Variants in ZSWIM4 observed in about 807,000 individuals in gnomAD.
ZSWIM4 encodes the protein zinc finger SWIM-type containing 4.
Under a neutral mutation model 102.5 loss-of-function variants are expected in ZSWIM4, and 62 were observed. That is an observed-to-expected ratio of 0.60 (90% CI 0.49 to 0.75). The LOEUF is 0.75. ZSWIM4 is among the 30% of genes least tolerant of loss of function. ZSWIM4 has a pLI of 0.00. For synonymous variants in ZSWIM4, 652 were observed against 674.5 expected, an observed-to-expected ratio of 0.97 and a Z score of 0.52; for missense variants, 1,280 against 1,529.6, an observed-to-expected ratio of 0.84 and a Z score of 2.72.
chr19:13,824,965 A>T, intron 11 of ZSWIM4, among the ~76,000 whole-genome samples: 1 of 151,266 alleles, frequency 6.6e-6, no homozygotes, highest in East Asian at 1.9e-4. Flanking sequence ...CAGGATTTGA[A>T]CCCTGGCATT....
rs1974876410 is a variant in ZSWIM4, at chr19:13,804,949, G to A, written c.513G>A (p.Leu171=). The stretch of plus-strand genomic sequence containing the variant: ...TCTACTGTGCCCACGTGGTGGCCCT[G>A]TCCCTGTACCGCATTCGGCACGCCC... ...DLFYCAHVVA[L]SLYRIRHAHQ... Residue 171 remains leucine (L), a synonymous_variant, in exon 3 of 14, where the codon CTG becomes CTA. Transcript: ENST00000590508. The A allele has an allele frequency of 6.2e-7, 1 of 1,613,306 alleles. No homozygotes were observed. Among genetic ancestry groups the A allele is most frequent in the Admixed American group, 1.7e-5 (1 of 60,018 alleles).
At position 13,825,418 on chromosome 19, in the gene ZSWIM4, GC is replaced by G. The variant is rs1975579018; in HGVS notation, c.2216-129del. On this transcript the variant is annotated intron_variant, in intron 11 of 13. Transcript: ENST00000590508. The surrounding 1 kb of genome is among the most constrained non-coding windows in gnomAD (Gnocchi z 4.6). ...AGGTCTGAATCTTCACAGAACCATG[GC>G]CCAGTACACATCCCTCCACACTCAC... 2 of 1,089,346 alleles carry G rather than the reference GC, an allele frequency of 1.8e-6. No homozygotes were observed. Among genetic ancestry groups the G allele is most frequent in the Admixed American group, 4.2e-5 (2 of 47,352 alleles). The allele number at this position is 1,089,346 out of a possible 1,614,324, so 67.5% of individuals were successfully genotyped here.
rs541542267 is a variant in ZSWIM4, at chr19:13,801,566, G to T, written c.355+1645G>T. 5.9e-5 allele frequency among the ~76,000 whole-genome samples: 9 copies of T among 152,312 alleles called. No homozygotes were observed. The East Asian group carries it at 1.7e-3, about 29-fold the overall frequency. On this transcript the variant is annotated intron_variant, in intron 2 of 13. Transcript: ENST00000590508. ...CCACAGGTGAGAGTCTTAGACCTCA[G>T]GCAGAGAGGCTGGGATTTCAAAGGC... is the stretch of plus-strand genomic sequence containing the variant.
intron 3 of ZSWIM4, among the ~76,000 whole-genome samples, chr19:13,807,049 T>C (rs1190678009): frequency 6.6e-6 from 1 of 152,056 alleles, no homozygotes; most frequent in Non-Finnish European, 1.5e-5. Context: ...CTAATAGTTA[T>C]CACCTAGATA....
Position 13,799,593 on chromosome 19 carries a change from G to A in ZSWIM4, c.154-127G>A, listed in dbSNP as rs1599577076. ...GCCCGGCCAGTTTTTTTGTAAAGAT[G>A]GGAGCCTCTCTATGTTGCCCAGGCT... On this transcript the variant is annotated intron_variant, in intron 1 of 13. Coordinates refer to ENST00000590508, the MANE Select transcript of ZSWIM4 (RefSeq NM_001367834.3). 4 of 904,572 alleles carry A rather than the reference G, an allele frequency of 4.4e-6. No individual in the cohort carries two copies. The East Asian group carries it at 1.0e-4, about 23-fold the overall frequency. 56.0% of individuals were successfully genotyped at this position (904,572 alleles called of 1,614,324 possible). A position where few individuals can be genotyped will look rare whatever the true frequency, so the allele number is the denominator to read the frequency against.
In ZSWIM4 at chr19:13,812,987, G is replaced by A. The variant is rs1483629834; in HGVS notation, c.1013-10G>A. On this transcript the variant is annotated splice_polypyrimidine_tract_variant and intron_variant, in intron 5 of 13. Coordinates refer to ENST00000590508, the MANE Select transcript of ZSWIM4 (RefSeq NM_001367834.3). Reference sequence around the variant, plus strand: ...GGCAGGAATATTGAGCCTGCCCCGTGCCTCCTCAGGGGCCCTGTGGGTTTG... The same window carrying A: ...GGCAGGAATATTGAGCCTGCCCCGTACCTCCTCAGGGGCCCTGTGGGTTTG... The A allele has an allele frequency of 6.3e-7, 1 of 1,596,002 alleles. No individual in the cohort carries two copies. The highest frequency in any genetic ancestry group is 8.6e-7 in the Non-Finnish European group (1 of 1,167,094).
intron 3 of ZSWIM4, among the ~76,000 whole-genome samples, chr19:13,806,479 C>A (rs571683155): frequency 4.6e-4 from 70 of 151,980 alleles, no homozygotes; most frequent in Non-Finnish European, 7.9e-4. Flanking sequence ...CCGGCCTGGG[C>A]AAAATAGGGA....
intron 2 of ZSWIM4, among the ~76,000 whole-genome samples, chr19:13,802,324 C>T (rs1260395409): frequency 6.6e-6 from 1 of 150,610 alleles, no homozygotes; most frequent in African/African-American, 2.4e-5. Context: ...CAGTGGCTCA[C>T]ACCTGTAATC....
At position 13,830,182 on chromosome 19, in the gene ZSWIM4, TC is replaced by T; in HGVS notation, c.2462-6del. The T allele has an allele frequency of 6.2e-7, 1 of 1,603,184 alleles. No individual in the cohort carries two copies. The highest frequency in any genetic ancestry group is 2.2e-5 in the East Asian group (1 of 44,640). ...TCCTGACGGATTTCCCTCCCTCACC[TC>T]CCACCAGGCCCGCAAGCCCTGATGA... On this transcript the variant is annotated splice_polypyrimidine_tract_variant and splice_region_variant and intron_variant, in intron 13 of 13. Transcript: ENST00000590508.
chr19:13,818,235 G>A (rs7254517), intron 9 of ZSWIM4, among the ~76,000 whole-genome samples: 77,747 of 152,178 alleles, frequency 0.51, 23,456 homozygotes, highest in African/African-American at 0.86. Context: ...CCGGGAGCCA[G>A]TGAGCCAAGT....
chr19:13,820,306 G>T (rs968190891), intron 10 of ZSWIM4, among the ~76,000 whole-genome samples: 3 of 152,084 alleles, frequency 2.0e-5, no homozygotes, highest in Admixed American at 6.6e-5. Flanking sequence ...TGCCATCTCT[G>T]CTCAGTGCAA....
At position 13,830,317 on chromosome 19, in the gene ZSWIM4, C is replaced by G. The variant is rs746795904; in HGVS notation, c.2588C>G (p.Ser863Trp). ...CTGCTGCGACTGCAGCTGGACACAT[C>G]GCGGAGGGAGGAGCTCTGGGCCTGC... The part of the protein sequence containing the change: ...ATLLRLQLDT[S>W]RREELWACAR... The change falls in exon 14 of 14, where the codon TCG (serine) becomes TGG (tryptophan). Residue 863 changes from serine (S) to tryptophan (W), a missense_variant. Ser to Trp is a radical substitution (Grantham distance 177). Transcript: ENST00000590508. 15 of 1,613,666 alleles carry G rather than the reference C, an allele frequency of 9.3e-6. No homozygotes were observed. The highest frequency in any genetic ancestry group is 1.3e-5 in the Non-Finnish European group (15 of 1,180,026).
chr19:13,804,743 C>A (rs377508113), intron 2 of ZSWIM4, 49 bp from the exon 3 acceptor site: 1 of 1,482,048 alleles, frequency 6.7e-7, no homozygotes, highest in South Asian at 1.3e-5. Context: ...CCACAAACAC[C>A]GCCTGTCTCT....
intron 13 of ZSWIM4, among the ~76,000 whole-genome samples, chr19:13,829,620 T>C (rs1294456373): frequency 2.2e-4 from 33 of 151,068 alleles, no homozygotes; most frequent in Admixed American, 2.2e-3. Flanking sequence ...GTCAGGAGAT[T>C]GAGACCATCC....
chr19:13,805,296 C>T (rs1183540871), intron 3 of ZSWIM4, 148 bp downstream of exon 3: 3 of 688,758 alleles, frequency 4.4e-6, no homozygotes, highest in Non-Finnish European at 7.4e-6. Context: ...CATCTGAGGT[C>T]ACCCACCTGG....
At chr19:13,800,524 C>CA (rs1446746113) in intron 2 of ZSWIM4, among the ~76,000 whole-genome samples, 1 of 152,090 alleles carries the variant, frequency 6.6e-6, no homozygotes, top group Non-Finnish European at 1.5e-5. Context: ...CTCGGCCTCC[C>CA]AAAGTGCTGG....
chr19:13,813,171 G>A lies in ZSWIM4; in HGVS notation c.1180+7G>A. 3 of 1,606,336 alleles carry A rather than the reference G, an allele frequency of 1.9e-6. No homozygotes were observed. The highest frequency in any genetic ancestry group is 1.3e-5 in the African/African-American group (1 of 74,840). ...ACCATGGCCCCCGCCCCAGGTAGGA[G>A]AGAGGGGTCTTTACCATGCCCCCCA... On this transcript the variant is annotated splice_region_variant and intron_variant, in intron 6 of 13. Transcript: ENST00000590508.
At position 13,824,504 on chromosome 19, in the gene ZSWIM4, G is replaced by A. The variant is rs374596631; in HGVS notation, c.2215+1004G>A. On this transcript the variant is annotated intron_variant, in intron 11 of 13. Transcript: ENST00000590508. ...CCCAGCGATTTGGGAGGCCGAGGCCGGGGGATCACCTGAGGTCAGGAGTTC... is the reference window on the plus strand; with the variant it reads ...CCCAGCGATTTGGGAGGCCGAGGCCAGGGGATCACCTGAGGTCAGGAGTTC... Among the ~76,000 whole-genome samples the A allele has an allele frequency of 3.3e-5, 5 of 152,044 alleles. No homozygotes were observed. The East Asian group carries it at 5.8e-4, about 18-fold the overall frequency.
chr19:13,816,918 T>C (rs1009350523), intron 7 of ZSWIM4, among the ~76,000 whole-genome samples: 2 of 152,110 alleles, frequency 1.3e-5, no homozygotes, highest in Non-Finnish European at 2.9e-5. Context: ...TCGGGTGTTT[T>C]AGAAAGCGTC....
Sources: allele counts gnomAD v4.1 joint callset (sites outside exome capture counted in the v4.1 genomes callset), GRCh38; gene constraint gnomAD v4.1.1; non-coding constraint Gnocchi (gnomAD v3.1); transcripts MANE v1.5; gene names NCBI Gene and HGNC (gene_info 2026-07-23, HGNC 2026-07-21).